CDH13: variants seen among roughly 807,000 people sequenced by gnomAD.
CDH13 encodes cadherin-13.
Under a neutral mutation model 63.8 loss-of-function variants are expected in CDH13, and 24 were observed. The observed-to-expected ratio is 0.38, with a 90% CI of 0.27 to 0.53. The LOEUF (loss-of-function observed/expected upper bound fraction) is 0.53, where lower values mean the gene tolerates loss of function less well. Ranked by LOEUF, CDH13 falls within the 20% of genes least tolerant of loss-of-function variation. The probability of loss-of-function intolerance (pLI) is 0.85; values close to 1 mark genes in which losing one functional copy is unlikely to be tolerated. For missense variants in CDH13, 1,049 were observed against 903.1 expected, an observed-to-expected ratio of 1.16 and a Z score of -2.07; for synonymous variants, 503 against 355.3, an observed-to-expected ratio of 1.42 and a Z score of -4.67.
intron 2 of CDH13, among the ~76,000 whole-genome samples, chr16:82,910,351 A>G (rs772736113): frequency 3.3e-5 from 5 of 152,208 alleles, no homozygotes; most frequent in Non-Finnish European, 7.3e-5. Flanking sequence ...CCAGTAATGA[A>G]TGTCTATTGA....
intron 7 of CDH13, among the ~76,000 whole-genome samples, chr16:83,587,844 T>C (rs536756407): frequency 2.6e-5 from 4 of 152,318 alleles, no homozygotes; most frequent in African/African-American, 9.6e-5. Flanking sequence ...GAATAGCAGT[T>C]TCCCAATTTT....
intron 7 of CDH13, among the ~76,000 whole-genome samples, chr16:83,592,973 C>A (rs746517223): frequency 6.6e-6 from 1 of 152,122 alleles, no homozygotes; most frequent in African/African-American, 2.4e-5. Flanking sequence ...GATGTGTAAG[C>A]GGTTCCTGCT....
intron 3 of CDH13, among the ~76,000 whole-genome samples, chr16:83,043,062 C>T (rs936506942): frequency 2.0e-5 from 3 of 152,164 alleles, no homozygotes; most frequent in African/African-American, 4.8e-5. Flanking sequence ...AATTATTGTA[C>T]GGATCCAAGA....
intron 3 of CDH13, among the ~76,000 whole-genome samples, chr16:83,124,041 T>A (rs1163045796): frequency 6.6e-6 from 1 of 152,148 alleles, no homozygotes; most frequent in African/African-American, 2.4e-5. Flanking sequence ...TGCCCCACTT[T>A]CTTTTGTTTG....
chr16:83,014,820 A>ATATATATTTG (rs1914580359), intron 2 of CDH13, among the ~76,000 whole-genome samples: 1 of 66,240 alleles, frequency 1.5e-5, no homozygotes, highest in Admixed American at 2.2e-4. Context: ...ATATTTGTAT[A>ATATATATTTG]TATATATTTG....
chr16:83,489,392 A>T (rs2151567750), intron 7 of CDH13, among the ~76,000 whole-genome samples: 1 of 152,372 alleles, frequency 6.6e-6, no homozygotes, highest in East Asian at 1.9e-4. Context: ...ATGAAAATGA[A>T]TAAAGAGTGT....
At chr16:83,059,325 G>A (rs138517985) in intron 3 of CDH13, among the ~76,000 whole-genome samples, 335 of 152,268 alleles carry the variant, frequency 2.2e-3, no homozygotes, top group Non-Finnish European at 3.7e-3. Flanking sequence ...GGGAGAGCGG[G>A]TGTTAACTGC....
At chr16:83,115,629 G>A (rs2035257489) in intron 3 of CDH13, among the ~76,000 whole-genome samples, 1 of 152,218 alleles carries the variant, frequency 6.6e-6, no homozygotes, top group African/African-American at 2.4e-5. Context: ...ATTGGGCTGG[G>A]CTGACTGCAT....
At chr16:83,394,399 C>T (rs561474300) in intron 6 of CDH13, among the ~76,000 whole-genome samples, 2 of 152,106 alleles carry the variant, frequency 1.3e-5, no homozygotes, top group South Asian at 2.1e-4. Context: ...ACGTGGATAA[C>T]TGGAGGTACA....
intron 4 of CDH13, among the ~76,000 whole-genome samples, chr16:83,210,041 G>A (rs960702296): frequency 6.6e-6 from 1 of 152,076 alleles, no homozygotes; most frequent in Non-Finnish European, 1.5e-5. Context: ...GGCAGAGGGA[G>A]CCATTGCAAG....
chr16:83,223,750 T>G (rs1421036045), intron 5 of CDH13, among the ~76,000 whole-genome samples: 1 of 152,170 alleles, frequency 6.6e-6, no homozygotes, highest in Non-Finnish European at 1.5e-5. Flanking sequence ...AGTTTTTAGT[T>G]TTTCCAGCTC....
intron 6 of CDH13, among the ~76,000 whole-genome samples, chr16:83,479,805 G>A (rs1411285077): frequency 1.3e-5 from 2 of 152,236 alleles, no homozygotes; most frequent in African/African-American, 2.4e-5. Context: ...CACATCAGAT[G>A]TATTAGATAT....
chr16:83,339,202 T>A (rs1597786258), intron 5 of CDH13, among the ~76,000 whole-genome samples: 1 of 151,866 alleles, frequency 6.6e-6, no homozygotes. Flanking sequence ...GAAGAGAAGG[T>A]TTCATTTGAG....
intron 1 of CDH13, among the ~76,000 whole-genome samples, chr16:82,735,311 T>C (rs919022241): frequency 2.6e-5 from 4 of 152,206 alleles, no homozygotes; most frequent in African/African-American, 9.6e-5. Flanking sequence ...TCACAAATGC[T>C]TCAGTGACAG....
At chr16:83,266,936 A>C (rs72802292) in intron 5 of CDH13, among the ~76,000 whole-genome samples, 1 of 151,886 alleles carries the variant, frequency 6.6e-6, no homozygotes, top group Non-Finnish European at 1.5e-5. Context: ...CCCTCAGCCT[A>C]TTTTCTTTTT....
intron 2 of CDH13, among the ~76,000 whole-genome samples, chr16:83,014,804 GTATATATATTTGTA>G (rs1914573616): frequency 5.7e-5 from 3 of 52,720 alleles, no homozygotes; most frequent in Non-Finnish European, 6.7e-5. Flanking sequence ...ATATATATAT[GTATATATATTTGTA>G]TATATATATT....
intron 1 of CDH13, among the ~76,000 whole-genome samples, chr16:82,693,713 G>T (rs1207327871): frequency 1.3e-5 from 2 of 152,196 alleles, no homozygotes; most frequent in Non-Finnish European, 2.9e-5. Flanking sequence ...ATTACATTCT[G>T]ATGTTTATTT....
chr16:83,143,858 G>A (rs542769539), intron 4 of CDH13, among the ~76,000 whole-genome samples: 1 of 152,034 alleles, frequency 6.6e-6, no homozygotes, highest in Admixed American at 6.6e-5. Context: ...CTAATCCTTG[G>A]AATTTGCTGC....
chr16:83,659,200 C>T (rs1468441099), intron 8 of CDH13, among the ~76,000 whole-genome samples: 1 of 146,116 alleles, frequency 6.8e-6, no homozygotes, highest in Admixed American at 6.8e-5. Context: ...GTCCCATATC[C>T]TCACCACCAG....
Sources: allele counts gnomAD v4.1 joint callset (sites outside exome capture counted in the v4.1 genomes callset), GRCh38; gene constraint gnomAD v4.1.1; transcripts MANE v1.5; gene names NCBI Gene and HGNC (gene_info 2026-07-23, HGNC 2026-07-21).